The following PKHD1 variants were observed in gnomAD, a reference collection of about 807,000 sequenced individuals.
PKHD1 encodes fibrocystin.
PKHD1 carries 291 observed loss-of-function variants against 412.0 expected under a neutral mutation model. That is an observed-to-expected ratio of 0.71 (90% CI 0.64 to 0.78). PKHD1 has a LOEUF of 0.78. PKHD1 is among the 30% of genes least tolerant of loss of function. The pLI is 0.00. For synonymous variants in PKHD1, 1,777 were observed against 1,821.5 expected, an observed-to-expected ratio of 0.98 and a Z score of 0.62; for missense variants, 4,825 against 4,950.7, an observed-to-expected ratio of 0.97 and a Z score of 0.76.
intron 34 of PKHD1, among the ~76,000 whole-genome samples, chr6:52,012,622 G>T (rs78189193): frequency 0.021 from 3,238 of 152,274 alleles, 59 homozygotes; most frequent in South Asian, 0.085. Flanking sequence ...AAATGTGATG[G>T]AATCAAATGC....
chr6:51,679,291 A>G (rs1192614578), intron 60 of PKHD1, among the ~76,000 whole-genome samples: 1 of 152,094 alleles, frequency 6.6e-6, no homozygotes, highest in Non-Finnish European at 1.5e-5. Flanking sequence ...AACAGTTAGC[A>G]GTAATGTGTG....
chr6:51,931,104 T>A (rs1786502847), intron 37 of PKHD1, among the ~76,000 whole-genome samples: 1 of 152,214 alleles, frequency 6.6e-6, no homozygotes, highest in Admixed American at 6.5e-5. Flanking sequence ...GTGGCAGAAC[T>A]GGGCCCATTT....
At chr6:51,853,080 C>CAGG (rs1772601313) in intron 49 of PKHD1, among the ~76,000 whole-genome samples, 2 of 151,344 alleles carry the variant, frequency 1.3e-5, no homozygotes, top group Non-Finnish European at 3.0e-5. Flanking sequence ...GTGCTTCTTT[C>CAGG]AGCTCTTGCA....
intron 60 of PKHD1, among the ~76,000 whole-genome samples, chr6:51,663,182 T>G (rs537136734): frequency 1.3e-5 from 2 of 152,194 alleles, no homozygotes; most frequent in Non-Finnish European, 2.9e-5. Flanking sequence ...TCATGGGAAA[T>G]CCTCAAATCA....
chr6:51,693,497 C>A (rs2150647911), intron 60 of PKHD1, among the ~76,000 whole-genome samples: 1 of 152,306 alleles, frequency 6.6e-6, no homozygotes, highest in African/African-American at 2.4e-5. Context: ...TGTAGCAAAT[C>A]TAATCATTAC....
intron 46 of PKHD1, among the ~76,000 whole-genome samples, chr6:51,882,013 C>A (rs934210064): frequency 6.6e-6 from 1 of 152,096 alleles, no homozygotes; most frequent in Non-Finnish European, 1.5e-5. Flanking sequence ...TGTCACTTTC[C>A]CATTAATTAT....
intron 48 of PKHD1, among the ~76,000 whole-genome samples, chr6:51,857,892 G>A (rs1167686562): frequency 6.6e-6 from 1 of 152,124 alleles, no homozygotes; most frequent in African/African-American, 2.4e-5. Flanking sequence ...AGGGCATTTG[G>A]GAATGAAAGA....
chr6:52,027,328 T>G (rs1802347098), intron 31 of PKHD1, among the ~76,000 whole-genome samples: 1 of 151,474 alleles, frequency 6.6e-6, no homozygotes, highest in African/African-American at 2.4e-5. Context: ...GGTAAGGAGT[T>G]CAAGACCAGC....
At chr6:52,058,939 A>G (rs924054723) in intron 15 of PKHD1, among the ~76,000 whole-genome samples, 1 of 152,174 alleles carries the variant, frequency 6.6e-6, no homozygotes, top group Non-Finnish European at 1.5e-5. Flanking sequence ...ACCTCGAATG[A>G]CTTGATCACA....
intron 63 of PKHD1, among the ~76,000 whole-genome samples, chr6:51,641,582 A>T (rs1056712694): frequency 6.6e-6 from 1 of 152,186 alleles, no homozygotes; most frequent in Non-Finnish European, 1.5e-5. Flanking sequence ...TACTATAAAG[A>T]CACATGCACA....
At chr6:51,705,929 G>C (rs1237618101) in intron 60 of PKHD1, among the ~76,000 whole-genome samples, 2 of 152,118 alleles carry the variant, frequency 1.3e-5, no homozygotes, top group Non-Finnish European at 2.9e-5. Flanking sequence ...ATTATACACA[G>C]AGTATCAATT....
chr6:51,686,390 C>T (rs1436485211), intron 60 of PKHD1, among the ~76,000 whole-genome samples: 1 of 152,178 alleles, frequency 6.6e-6, no homozygotes, highest in Non-Finnish European at 1.5e-5. Context: ...CTAATCCTCA[C>T]ACACTGCAGG....
chr6:51,794,106 G>C (rs1452742069), intron 52 of PKHD1, among the ~76,000 whole-genome samples: 1 of 144,458 alleles, frequency 6.9e-6, no homozygotes, highest in East Asian at 2.0e-4. Flanking sequence ...GCGTGATCTC[G>C]GCTCACTGCA....
intron 60 of PKHD1, among the ~76,000 whole-genome samples, chr6:51,719,448 G>A (rs1781651228): frequency 6.6e-6 from 1 of 152,076 alleles, no homozygotes; most frequent in African/African-American, 2.4e-5. Flanking sequence ...TGCATTGTAG[G>A]ATGTTTTACA....
intron 35 of PKHD1, among the ~76,000 whole-genome samples, chr6:51,981,318 T>TCCTAC (rs1795151193): frequency 9.0e-5 from 1 of 11,144 alleles, no homozygotes; most frequent in African/African-American, 2.2e-4. Context: ...AAGCTCTCCC[T>TCCTAC]CTCCCTCTCC....
intron 60 of PKHD1, among the ~76,000 whole-genome samples, chr6:51,660,698 C>G (rs570604392): frequency 6.6e-6 from 1 of 152,200 alleles, no homozygotes; most frequent in East Asian, 1.9e-4. Context: ...GATGAACAGA[C>G]AGATGGAAGA....
chr6:52,045,960 C>A, intron 24 of PKHD1, 44 bp downstream of exon 24: 1 of 1,331,902 alleles, frequency 7.5e-7, no homozygotes, highest in Non-Finnish European at 1.1e-6. Flanking sequence ...CAGAATTTCT[C>A]CAGGGCAGCA....
intron 58 of PKHD1, among the ~76,000 whole-genome samples, 157 bp downstream of exon 58, chr6:51,747,630 T>G (rs1785379543): frequency 6.6e-6 from 1 of 152,212 alleles, no homozygotes; most frequent in Admixed American, 6.5e-5. Context: ...TTGTAAGAAA[T>G]TATAAACTAC....
At chr6:51,904,184 G>A in intron 41 of PKHD1, 142 bp from the exon 42 acceptor site, 1 of 678,056 alleles carries the variant, frequency 1.5e-6, no homozygotes. Flanking sequence ...AAGAGATACA[G>A]ATCTTATGTA....
Sources: allele counts gnomAD v4.1 joint callset (sites outside exome capture counted in the v4.1 genomes callset), GRCh38; gene constraint gnomAD v4.1.1; transcripts MANE v1.5; gene names NCBI Gene and HGNC (gene_info 2026-07-23, HGNC 2026-07-21).